PLEKHM2: variants seen among roughly 807,000 people sequenced by gnomAD.
PLEKHM2 encodes pleckstrin homology domain-containing family M member 2.
A neutral mutation model predicts 116.3 loss-of-function variants in PLEKHM2; 77 were observed. The observed-to-expected ratio is 0.66, with a 90% CI of 0.55 to 0.80. The LOEUF is 0.80. PLEKHM2 is among the 30% of genes least tolerant of loss of function. PLEKHM2 has a pLI of 0.00. For missense variants in PLEKHM2, 1,183 were observed against 1,354.9 expected, an observed-to-expected ratio of 0.87 and a Z score of 1.99; for synonymous variants, 562 against 571.0, an observed-to-expected ratio of 0.98 and a Z score of 0.22.
chr1:15,718,922 G>T (rs1641503588), intron 5 of PLEKHM2, among the ~76,000 whole-genome samples: 1 of 152,150 alleles, frequency 6.6e-6, no homozygotes, highest in Non-Finnish European at 1.5e-5. Context: ...TGGCCTTCAT[G>T]TTTAGGATGT....
Position 15,732,057 on chromosome 1 carries a change from C to T in PLEKHM2, c.2625+9C>T, listed in dbSNP as rs1422038633. ...AGGCTGTGTCCAAAGGGGTGAGCTT[C>T]GCCTGCCCCTACCGCTCACCTGGCT... On this transcript the variant is annotated intron_variant, in intron 17 of 19. Transcript: ENST00000375799. 17 of 1,606,402 alleles carry T rather than the reference C, an allele frequency of 1.1e-5. No homozygotes were observed. The highest frequency in any genetic ancestry group is 1.3e-5 in the Non-Finnish European group (15 of 1,176,434).
At chr1:15,716,908 G>T (rs965485348) in intron 3 of PLEKHM2, 92 bp downstream of exon 3, 1 of 1,477,416 alleles carries the variant, frequency 6.8e-7, no homozygotes. Context: ...CTCAGGGTCA[G>T]CCCTGGGAGG....
At chr1:15,693,221 A>G (rs1173490003) in intron 1 of PLEKHM2, among the ~76,000 whole-genome samples, 1 of 150,398 alleles carries the variant, frequency 6.6e-6, no homozygotes, top group African/African-American at 2.5e-5. Context: ...GTGTATTTTT[A>G]GTAGGGATGG....
chr1:15,686,094 G>A lies in PLEKHM2; in HGVS notation c.60+1476G>A, dbSNP rs572927722. 4.9e-4 allele frequency among the ~76,000 whole-genome samples: 75 copies of A among 152,306 alleles called. 1 individual carries two copies. The highest frequency in any genetic ancestry group is 1.7e-3 in the African/African-American group (69 of 41,584). On this transcript the variant is annotated intron_variant, in intron 1 of 19. Transcript: ENST00000375799. Reference sequence around the variant, plus strand: ...TGGAGAGGCAGTAGACATGGGGCACGCTGTCACATGTATAAGCATGAGTCT... The same window carrying A: ...TGGAGAGGCAGTAGACATGGGGCACACTGTCACATGTATAAGCATGAGTCT...
chr1:15,684,516 C>T lies in PLEKHM2; in HGVS notation c.-43C>T. The stretch of plus-strand genomic sequence containing the variant: ...GGCGCGGGAAGCGGCGGCGGGGCGG[C>T]GGCGGCGGTGGCGGTGGCGGTGGCG... On this transcript the variant is annotated 5_prime_UTR_variant, in exon 1 of 20. Transcript: ENST00000375799. 1.9e-6 allele frequency: 2 copies of T among 1,078,578 alleles called. No homozygotes were observed. Among genetic ancestry groups the T allele is most frequent in the East Asian group, 6.1e-5 (1 of 16,356 alleles). The allele number at this position is 1,078,578 out of a possible 1,614,324, so 66.8% of individuals were successfully genotyped here.
chr1:15,717,540 C>T (rs759806449), intron 3 of PLEKHM2, among the ~76,000 whole-genome samples: 7 of 152,218 alleles, frequency 4.6e-5, no homozygotes, highest in Non-Finnish European at 1.0e-4. Flanking sequence ...GAGCTGCCAG[C>T]GAGAGCTGGA....
intron 1 of PLEKHM2, among the ~76,000 whole-genome samples, chr1:15,696,829 A>G (rs916319192): frequency 2.0e-5 from 3 of 152,138 alleles, no homozygotes; most frequent in African/African-American, 7.2e-5. Context: ...AATGTCCTTT[A>G]CTATCCATTA....
chr1:15,682,534 G>A (rs1404644914), upstream of PLEKHM2, among the ~76,000 whole-genome samples: 7 of 151,376 alleles, frequency 4.6e-5, no homozygotes, highest in East Asian at 9.7e-4. Flanking sequence ...CAGGAGAATC[G>A]CTTAAAGCTG....
At chr1:15,710,868 A>G (rs1641317400) in intron 1 of PLEKHM2, among the ~76,000 whole-genome samples, 1 of 152,218 alleles carries the variant, frequency 6.6e-6, no homozygotes, top group Non-Finnish European at 1.5e-5. Flanking sequence ...GAGCTGGACC[A>G]TTAATTAACA....
At chr1:15,689,877 C>T (rs924683572) in intron 1 of PLEKHM2, among the ~76,000 whole-genome samples, 2 of 152,174 alleles carry the variant, frequency 1.3e-5, no homozygotes, top group African/African-American at 2.4e-5. Context: ...GAGCCTCAGC[C>T]TCCCAAGTAG....
chr1:15,726,599 T>C (rs2068066299), intron 8 of PLEKHM2, among the ~76,000 whole-genome samples: 1 of 152,166 alleles, frequency 6.6e-6, no homozygotes, highest in Non-Finnish European at 1.5e-5. Flanking sequence ...GATTCCTCCA[T>C]GATGATGCCT....
chr1:15,726,223 T>C (rs1312398925), intron 8 of PLEKHM2, among the ~76,000 whole-genome samples: 7 of 152,188 alleles, frequency 4.6e-5, no homozygotes, highest in Admixed American at 6.5e-5. Flanking sequence ...ATTTCTGAGA[T>C]TCATTGAAAG....
rs144815982 is a variant in PLEKHM2 at position 15,720,128 on chromosome 1, T to TTATATATATATA, written c.652+219_652+230dup. Among the ~76,000 whole-genome samples, 39 of 115,894 alleles carry TTATATATATATA rather than the reference T, an allele frequency of 3.4e-4. No individual in the cohort carries two copies. The South Asian group carries it at 4.4e-3, about 13-fold the overall frequency. The allele number at this position is 115,894 out of a possible 152,430, so 76.0% of individuals were successfully genotyped here. A position where few individuals can be genotyped will look rare whatever the true frequency, so the allele number is the denominator to read the frequency against. On this transcript the variant is annotated intron_variant, in intron 6 of 19. Transcript: ENST00000375799. ...GGATTCTGGGCACAAAAAGCTGAAATTATATATATATATATATATATAAAA... is the reference window on the plus strand; with the variant it reads ...GGATTCTGGGCACAAAAAGCTGAAATTATATATATATATATATATATATATATATATATAAAA...
At chr1:15,714,753 A>G (rs963281076) in intron 1 of PLEKHM2, among the ~76,000 whole-genome samples, 1 of 152,254 alleles carries the variant, frequency 6.6e-6, no homozygotes, top group African/African-American at 2.4e-5. Context: ...CCAAGAGGTT[A>G]AACCTGAGAT....
Position 15,727,885 on chromosome 1 carries a change from A to C in PLEKHM2, c.1760+53A>C. The C allele has an allele frequency of 2.2e-6, 3 of 1,390,476 alleles. No individual in the cohort carries two copies. The highest frequency in any genetic ancestry group is 2.0e-6 in the Non-Finnish European group (2 of 1,017,818). The allele number at this position is 1,390,476 out of a possible 1,614,324, so 86.1% of individuals were successfully genotyped here. ...ACTCTCCCAGCCCTTGAAGCTGGGGACACTGTGCCTCTGACCTCCAGATAA... is the reference window on the plus strand; with the variant it reads ...ACTCTCCCAGCCCTTGAAGCTGGGGCCACTGTGCCTCTGACCTCCAGATAA... On this transcript the variant is annotated intron_variant, in intron 9 of 19. Transcript: ENST00000375799. This position sits in a 1 kb window ranked among gnomAD's most constrained non-coding sequence, Gnocchi z 7.5.
At chr1:15,684,728 G>T in intron 1 of PLEKHM2, 110 bp downstream of exon 1, 1 of 339,344 alleles carries the variant, frequency 2.9e-6, no homozygotes, top group South Asian at 1.2e-4. Flanking sequence ...CCGCGACCCG[G>T]GGGGCGACGA....
Position 15,733,690 on chromosome 1 carries a change from G to A in PLEKHM2, c.2923-107G>A, listed in dbSNP as rs2148383329. 2.4e-6 allele frequency: 3 copies of A among 1,238,918 alleles called. No homozygotes were observed. In the South Asian group the frequency reaches 4.3e-5, roughly 18 times the overall value. 76.7% of individuals were successfully genotyped at this position (1,238,918 alleles called of 1,614,324 possible). A position where few individuals can be genotyped will look rare whatever the true frequency, so the allele number is the denominator to read the frequency against. ...TCCCAGGGAGAGATGGGGAGGGCCT[G>A]ACAGGGGCTCCGTGGCCAAGGCAGA... On this transcript the variant is annotated intron_variant, in intron 19 of 19. Coordinates refer to ENST00000375799, the MANE Select transcript of PLEKHM2 (RefSeq NM_015164.4).
intron 1 of PLEKHM2, among the ~76,000 whole-genome samples, chr1:15,708,997 C>T (rs189022187): frequency 6.6e-6 from 1 of 152,200 alleles, no homozygotes; most frequent in East Asian, 1.9e-4. Context: ...ATTACTAAGC[C>T]CATTTTACAG....
chr1:15,715,391 C>T (rs1641424886), intron 1 of PLEKHM2, among the ~76,000 whole-genome samples: 1 of 152,176 alleles, frequency 6.6e-6, no homozygotes, highest in Admixed American at 6.5e-5. Flanking sequence ...CCTGTAATCG[C>T]AGCACTTTGG....
Sources: gnomAD v4.1 joint callset for allele counts (sites outside exome capture counted in the v4.1 genomes callset) on GRCh38, gnomAD v4.1.1 for gene constraint, Gnocchi (gnomAD v3.1) non-coding constraint, MANE v1.5 for transcripts, NCBI Gene and HGNC (gene_info 2026-07-23, HGNC 2026-07-21) for gene names.